Variants in CFAP97D2 observed in about 807,000 individuals in gnomAD.
CFAP97D2 encodes CFAP97 domain containing 2.
At chr13:114,188,200 G>A (rs190154127) in intron 1 of CFAP97D2, among the ~76,000 whole-genome samples, 56 of 150,936 alleles carry the variant, frequency 3.7e-4, no homozygotes, top group Non-Finnish European at 5.6e-4. Flanking sequence ...AGTAGATCAC[G>A]TGAGCTGAGA....
chr13:114,221,443 A>G (rs137932746), intron 4 of CFAP97D2, among the ~76,000 whole-genome samples: 1 of 152,352 alleles, frequency 6.6e-6, no homozygotes, highest in African/African-American at 2.4e-5. Context: ...AGGTTATCTG[A>G]TTATTTGAAT....
rs967727065 is a variant in CFAP97D2 at position 114,187,841 on chromosome 13, A to G, written c.90+8421A>G. On this transcript the variant is annotated intron_variant, in intron 1 of 4. Coordinates refer to ENST00000646158, the Ensembl canonical transcript of CFAP97D2. The surrounding 1 kb of genome is among the most constrained non-coding windows in gnomAD (Gnocchi z 4.2). ...GAATATTCACCAAGATAGATCATGGATCATCTTCTGGGCCACAAAACACAT... is the reference window on the plus strand; with the variant it reads ...GAATATTCACCAAGATAGATCATGGGTCATCTTCTGGGCCACAAAACACAT... Among the ~76,000 whole-genome samples, 1 of 152,240 alleles carries G rather than the reference A, an allele frequency of 6.6e-6. No individual in the cohort carries two copies. Among genetic ancestry groups the G allele is most frequent in the African/African-American group, 2.4e-5 (1 of 41,458 alleles).
chr13:114,190,153 G>A (rs117973168), intron 1 of CFAP97D2, among the ~76,000 whole-genome samples: 1,763 of 151,876 alleles, frequency 0.012, 97 homozygotes, highest in Admixed American at 0.081. Flanking sequence ...AAAAAAAAAG[G>A]AATATCTGAA....
chr13:114,201,885 C>G (rs2080919391), intron 3 of CFAP97D2, among the ~76,000 whole-genome samples: 1 of 152,182 alleles, frequency 6.6e-6, no homozygotes, highest in African/African-American at 2.4e-5. Flanking sequence ...TGTCTTTATT[C>G]AGATGTGATT....
chr13:114,210,695 C>T (rs77708578), intron 3 of CFAP97D2, among the ~76,000 whole-genome samples: 8,155 of 152,176 alleles, frequency 0.054, 394 homozygotes, highest in African/African-American at 0.13. Flanking sequence ...GTTGTCACTC[C>T]TGAGCACCAG....
At position 114,203,326 on chromosome 13, in the gene CFAP97D2, C is replaced by A. The variant is rs2080926686; in HGVS notation, c.290+2883C>A. Among the ~76,000 whole-genome samples, 1 of 152,108 alleles carries A rather than the reference C, an allele frequency of 6.6e-6. No individual in the cohort carries two copies. The highest frequency in any genetic ancestry group is 2.4e-5 in the African/African-American group (1 of 41,414). On this transcript the variant is annotated intron_variant, in intron 3 of 4. Coordinates refer to ENST00000646158, the Ensembl canonical transcript of CFAP97D2. This position sits in a 1 kb window ranked among gnomAD's most constrained non-coding sequence, Gnocchi z 4.3. The stretch of plus-strand genomic sequence containing the variant: ...AAAACAATTCCATACTCAAAAGTAT[C>A]AAAAGAATAGGTACTTAGGAATAAA...
In CFAP97D2 at chr13:114,189,858, C is replaced by A. The variant is rs959059448; in HGVS notation, c.91-6538C>A. On this transcript the variant is annotated intron_variant, in intron 1 of 4. Transcript: ENST00000646158. The surrounding 1 kb of genome is among the most constrained non-coding windows in gnomAD (Gnocchi z 4.5). Reference sequence around the variant, plus strand: ...TTTCTCAACTTGATAAAGAATATCTCCAGGCTGGGCATGGTGGCTCGCCCT... The same window carrying A: ...TTTCTCAACTTGATAAAGAATATCTACAGGCTGGGCATGGTGGCTCGCCCT... 1.3e-5 allele frequency among the ~76,000 whole-genome samples: 2 copies of A among 152,124 alleles called. No individual in the cohort carries two copies. Among genetic ancestry groups the A allele is most frequent in the Non-Finnish European group, 2.9e-5 (2 of 68,034 alleles).
At chr13:114,220,796 TG>T (rs2081018014) in intron 4 of CFAP97D2, among the ~76,000 whole-genome samples, 1 of 152,250 alleles carries the variant, frequency 6.6e-6, no homozygotes, top group African/African-American at 2.4e-5. Flanking sequence ...ACACAATGGA[TG>T]TGAGTTGGCT....
rs116882853 is a variant in CFAP97D2, at chr13:114,186,318, T to C, written c.90+6898T>C. ...ACTGAGAGCTGAACACTTGTCAGGA[T>C]ACCGTGGCTATGGAGAGGAGCTGCC... is the stretch of plus-strand genomic sequence containing the variant. On this transcript the variant is annotated intron_variant, in intron 1 of 4. Transcript: ENST00000646158. This position sits in a 1 kb window ranked among gnomAD's most constrained non-coding sequence, Gnocchi z 4.3. 0.012 allele frequency among the ~76,000 whole-genome samples: 1,762 copies of C among 152,268 alleles called. 96 individuals are homozygous for C. Among genetic ancestry groups the C allele is most frequent in the Admixed American group, 0.081 (1,242 of 15,296 alleles).
At chr13:114,194,501 A>C (rs1189806449) in intron 1 of CFAP97D2, among the ~76,000 whole-genome samples, 1 of 152,192 alleles carries the variant, frequency 6.6e-6, no homozygotes, top group Non-Finnish European at 1.5e-5. Flanking sequence ...TTTTTACGTG[A>C]GTCCTGAGTC....
At chr13:114,188,409 T>C (rs909828722) in intron 1 of CFAP97D2, among the ~76,000 whole-genome samples, 20 of 152,044 alleles carry the variant, frequency 1.3e-4, no homozygotes, top group African/African-American at 4.8e-4. Flanking sequence ...TCAAGGGAAA[T>C]TTAGGGCATT....
chr13:114,221,272 G>A (rs2081020743), intron 4 of CFAP97D2, among the ~76,000 whole-genome samples: 1 of 152,170 alleles, frequency 6.6e-6, no homozygotes, highest in Non-Finnish European at 1.5e-5. Context: ...CAAAAAAAGT[G>A]ACTCACACTT....
rs970840769 is a variant in CFAP97D2 at position 114,185,131 on chromosome 13, G to A, written c.90+5711G>A. ...AACTGTGCTGCCCCAACCCTTGTGT[G>A]GCCAGGCAGGACCTGCTCCCAGGCC... On this transcript the variant is annotated intron_variant, in intron 1 of 4. Coordinates refer to ENST00000646158, the Ensembl canonical transcript of CFAP97D2. This position sits in a 1 kb window ranked among gnomAD's most constrained non-coding sequence, Gnocchi z 5.2. 2.0e-5 allele frequency among the ~76,000 whole-genome samples: 3 copies of A among 152,194 alleles called. No individual in the cohort carries two copies. The highest frequency in any genetic ancestry group is 2.9e-5 in the Non-Finnish European group (2 of 68,026).
intron 2 of CFAP97D2, among the ~76,000 whole-genome samples, chr13:114,196,962 T>C (rs1013097820): frequency 2.6e-5 from 4 of 152,194 alleles, no homozygotes; most frequent in Non-Finnish European, 4.4e-5. Flanking sequence ...TGACTGCCAA[T>C]TGGTTGAAAG....
intron 1 of CFAP97D2, among the ~76,000 whole-genome samples, chr13:114,190,174 T>C (rs868498300): frequency 6.6e-6 from 1 of 152,190 alleles, no homozygotes; most frequent in East Asian, 1.9e-4. Context: ...AAACAACCTC[T>C]ACCTAACATC....
rs750519226 is a variant in CFAP97D2, at chr13:114,207,229, T to C, written c.291-4683T>C. 2.0e-5 allele frequency among the ~76,000 whole-genome samples: 3 copies of C among 152,142 alleles called. No individual in the cohort carries two copies. The highest frequency in any genetic ancestry group is 4.4e-5 in the Non-Finnish European group (3 of 68,024). On this transcript the variant is annotated intron_variant, in intron 3 of 4. Transcript: ENST00000646158. This position sits in a 1 kb window ranked among gnomAD's most constrained non-coding sequence, Gnocchi z 4.9. ...CTCAGGGCTCGCAAACCAGAAAGTA[T>C]CTAGACAGGTCTCAAACAATCTAGG... is the stretch of plus-strand genomic sequence containing the variant.
chr13:114,191,823 A>G (rs1225320105), intron 1 of CFAP97D2, among the ~76,000 whole-genome samples: 2 of 152,218 alleles, frequency 1.3e-5, no homozygotes, highest in Non-Finnish European at 2.9e-5. Context: ...CTTGGAAGTA[A>G]AAAAGATGTC....
At chr13:114,210,194 C>A (rs959062017) in intron 3 of CFAP97D2, among the ~76,000 whole-genome samples, 2 of 152,082 alleles carry the variant, frequency 1.3e-5, no homozygotes, top group African/African-American at 4.8e-5. Flanking sequence ...GATCTTATAT[C>A]CTGGCTTAAG....
chr13:114,215,662 A>T (rs1264506021), intron 4 of CFAP97D2: 2 of 152,228 alleles, frequency 1.3e-5, no homozygotes, highest in Non-Finnish European at 2.9e-5. Flanking sequence ...TTACAATGTC[A>T]AAAACTCTAT....
Sources: gnomAD v4.1 joint callset for allele counts (sites outside exome capture counted in the v4.1 genomes callset) on GRCh38, gnomAD v4.1.1 for gene constraint, Gnocchi (gnomAD v3.1) non-coding constraint, MANE v1.5 for transcripts, NCBI Gene and HGNC (gene_info 2026-07-23, HGNC 2026-07-21) for gene names.